PRELID2: variants seen among roughly 807,000 people sequenced by gnomAD.
PRELID2 encodes PRELI domain containing 2, also known as PRELI domain-containing protein 2.
PRELID2 carries 25 observed loss-of-function variants against 28.4 expected under a neutral mutation model. That is an observed-to-expected ratio of 0.88 (90% CI 0.64 to 1.23). The LOEUF is 1.23. Among genes scored for constraint, PRELID2 ranks in the 50% most tolerant of loss-of-function variants. The probability of loss-of-function intolerance (pLI) is 0.00; values close to 1 mark genes in which losing one functional copy is unlikely to be tolerated. For synonymous variants in PRELID2, 76 were observed against 71.6 expected, an observed-to-expected ratio of 1.06 and a Z score of -0.31; for missense variants, 201 against 214.4, an observed-to-expected ratio of 0.94 and a Z score of 0.39.
the PRELID2 span, among the ~76,000 whole-genome samples, chr5:145,463,342 G>T: frequency 2.9e-4 from 39 of 135,762 alleles, no homozygotes; most frequent in Non-Finnish European, 3.3e-4. Context: ...CCTATTTGAA[G>T]TTTTTTTTTT....
At chr5:145,829,416 G>C (rs969756550) in intron 1 of PRELID2, among the ~76,000 whole-genome samples, 1 of 152,134 alleles carries the variant, frequency 6.6e-6, no homozygotes, top group South Asian at 2.1e-4. Context: ...TGAAATAAAT[G>C]CAACAAATTA....
chr5:145,727,653 A>AC (rs1756211221), intron 1 of PRELID2, among the ~76,000 whole-genome samples: 1 of 152,210 alleles, frequency 6.6e-6, no homozygotes, highest in South Asian at 2.1e-4. Context: ...AACAAAATCC[A>AC]CAAATGTAGA....
At chr5:145,489,503 T>C (rs1312396780) in intron 1 of PRELID2, among the ~76,000 whole-genome samples, 1 of 152,174 alleles carries the variant, frequency 6.6e-6, no homozygotes, top group Non-Finnish European at 1.5e-5. Flanking sequence ...ACTGAGGCTG[T>C]CTGAATTCAA....
At chr5:145,542,893 T>G (rs1752756912) in intron 1 of PRELID2, among the ~76,000 whole-genome samples, 1 of 152,010 alleles carries the variant, frequency 6.6e-6, no homozygotes, top group African/African-American at 2.4e-5. Flanking sequence ...GTGGTATGCA[T>G]CCTATCAGAT....
At position 145,757,409 on chromosome 5, in the gene PRELID2, C is replaced by A. The variant is rs1013846473; in HGVS notation, c.*3127G>T. On this transcript the variant is annotated 3_prime_UTR_variant, in exon 7 of 7. Coordinates refer to ENST00000683046, the MANE Select transcript of PRELID2 (RefSeq NM_205846.3). ...GCTGGGGAAAGGGACTGAGAACCTG[C>A]ACGTTAGCACGTTGCCCCAAAGATT... Among the ~76,000 whole-genome samples the A allele has an allele frequency of 1.2e-4, 18 of 152,182 alleles. No individual in the cohort carries two copies. The highest frequency in any genetic ancestry group is 4.3e-4 in the African/African-American group (18 of 41,440).
chr5:145,559,251 C>A (rs376340478), intron 1 of PRELID2, among the ~76,000 whole-genome samples: 1 of 148,076 alleles, frequency 6.8e-6, no homozygotes, highest in East Asian at 2.0e-4. Flanking sequence ...GAGACTTCAT[C>A]TCAAAAGAAA....
At chr5:145,790,419 C>T (rs1006223041) in intron 5 of PRELID2, among the ~76,000 whole-genome samples, 6 of 151,854 alleles carry the variant, frequency 4.0e-5, no homozygotes, top group Admixed American at 2.6e-4. Flanking sequence ...TATGTAAAAT[C>T]TAAAAAAGTT....
chr5:145,467,821 A>G (rs1324140663), downstream of PRELID2, among the ~76,000 whole-genome samples: 6 of 151,496 alleles, frequency 4.0e-5, no homozygotes, highest in Admixed American at 1.3e-4. Context: ...TTCAACTGTC[A>G]TGCCATATAT....
intron 5 of PRELID2, among the ~76,000 whole-genome samples, chr5:145,765,902 C>T (rs934544330): frequency 6.6e-6 from 1 of 152,174 alleles, no homozygotes; most frequent in African/African-American, 2.4e-5. Context: ...CGAAGTTACA[C>T]AACTATTAAA....
Position 145,559,847 on chromosome 5 carries a change from AAAAAG to A in PRELID2, n.71-86537_71-86533del, listed in dbSNP as rs547798662. The stretch of plus-strand genomic sequence containing the variant: ...TTGGTAAAAAGAGGTAAAAAAAAAA[AAAAAG>A]AAGAAGAAGAAGAAGAAAAAGAATA... On this transcript the variant is annotated intron_variant and non_coding_transcript_variant, in intron 1 of 2. Coordinates refer to the PRELID2 transcript ENST00000510259. Among the ~76,000 whole-genome samples the A allele has an allele frequency of 5.0e-3, 760 of 152,094 alleles. 14 individuals are homozygous for A. The highest frequency in any genetic ancestry group is 0.017 in the African/African-American group (707 of 41,452).
Position 145,758,879 on chromosome 5 carries a change from T to C in PRELID2, c.*1657A>G, listed in dbSNP as rs190691014. ...AGATACAATAAGAACAGGCTCACAG[T>C]GGCAGGCTTGTATGAAAAAATACAA... is the stretch of plus-strand genomic sequence containing the variant. On this transcript the variant is annotated 3_prime_UTR_variant, in exon 7 of 7. Coordinates refer to ENST00000683046, the MANE Select transcript of PRELID2 (RefSeq NM_205846.3). 2.6e-5 allele frequency: 4 copies of C among 151,912 alleles called. No homozygotes were observed. Among genetic ancestry groups the C allele is most frequent in the African/African-American group, 9.7e-5 (4 of 41,442 alleles). 9.4% of individuals were successfully genotyped at this position (151,912 alleles called of 1,614,324 possible). A position where few individuals can be genotyped will look rare whatever the true frequency, so the allele number is the denominator to read the frequency against.
chr5:145,441,971 G>A, the PRELID2 span, among the ~76,000 whole-genome samples: 1 of 152,070 alleles, frequency 6.6e-6, no homozygotes, highest in African/African-American at 2.4e-5. Context: ...CTATAACTTT[G>A]CTTCATAGGA....
At chr5:145,611,377 T>C (rs1047905868) in intron 1 of PRELID2, among the ~76,000 whole-genome samples, 10 of 152,294 alleles carry the variant, frequency 6.6e-5, no homozygotes, top group African/African-American at 2.4e-4. Context: ...TTGGCCAGGC[T>C]GGTCTCCAAC....
chr5:145,725,098 G>C (rs1756107989), intron 1 of PRELID2, among the ~76,000 whole-genome samples: 1 of 152,000 alleles, frequency 6.6e-6, no homozygotes, highest in Non-Finnish European at 1.5e-5. Flanking sequence ...ACAAAGTAAA[G>C]TACTTGAAAT....
At chr5:145,597,486 C>A (rs2195936) in intron 1 of PRELID2, among the ~76,000 whole-genome samples, 1 of 151,812 alleles carries the variant, frequency 6.6e-6, no homozygotes, top group Non-Finnish European at 1.5e-5. Flanking sequence ...TAGTTCAGAA[C>A]AATTTAAAAT....
At chr5:145,706,856 G>T (rs983963718) in intron 1 of PRELID2, among the ~76,000 whole-genome samples, 7 of 152,158 alleles carry the variant, frequency 4.6e-5, no homozygotes, top group Non-Finnish European at 5.9e-5. Flanking sequence ...TCATCCACCT[G>T]GCAGCTGGCA....
intron 1 of PRELID2, among the ~76,000 whole-genome samples, chr5:145,566,867 AAG>A (rs1752971866): frequency 6.6e-6 from 1 of 151,430 alleles, no homozygotes; most frequent in Non-Finnish European, 1.5e-5. Context: ...AAGAGAGAGC[AAG>A]AGAAAGAGAA....
chr5:145,470,409 A>G (rs543001485), downstream of PRELID2, among the ~76,000 whole-genome samples: 1 of 152,310 alleles, frequency 6.6e-6, no homozygotes, highest in South Asian at 2.1e-4. Flanking sequence ...CCATCTACTA[A>G]GTAATCGTAG....
At chr5:145,291,335 C>CACAAAAAAAAAAAAAAAAAA in the PRELID2 span, among the ~76,000 whole-genome samples, 6 of 57,474 alleles carry the variant, frequency 1.0e-4, no homozygotes, top group African/African-American at 5.4e-4. Flanking sequence ...GACTCTGTTT[C>CACAAAAAAAAAAAAAAAAAA]AGAAAAAAAA....
Sources: gnomAD v4.1 joint callset for allele counts (sites outside exome capture counted in the v4.1 genomes callset) on GRCh38, gnomAD v4.1.1 for gene constraint, MANE v1.5 for transcripts, NCBI Gene and HGNC (gene_info 2026-07-23, HGNC 2026-07-21) for gene names.